Variants in OPCML observed in about 807,000 individuals in gnomAD.
The protein encoded by OPCML is opioid-binding protein/cell adhesion molecule.
Under a neutral mutation model 37.8 loss-of-function variants are expected in OPCML, and 13 were observed. The observed-to-expected ratio is 0.34, with a 90% CI of 0.22 to 0.55. OPCML has a LOEUF of 0.55. OPCML is among the 20% of genes least tolerant of loss of function. OPCML has a pLI of 0.91. For synonymous variants in OPCML, 176 were observed against 168.8 expected, an observed-to-expected ratio of 1.04 and a Z score of -0.33; for missense variants, 341 against 435.6, an observed-to-expected ratio of 0.78 and a Z score of 1.93.
chr11:132,789,771 C>T (rs1451008386), intron 2 of OPCML, among the ~76,000 whole-genome samples: 1 of 152,140 alleles, frequency 6.6e-6, no homozygotes, highest in African/African-American at 2.4e-5. Flanking sequence ...AAGCAAAGCT[C>T]GCTGCCACAG....
At chr11:133,341,187 T>C (rs1943861896) in intron 1 of OPCML, among the ~76,000 whole-genome samples, 1 of 152,168 alleles carries the variant, frequency 6.6e-6, no homozygotes, top group African/African-American at 2.4e-5. Flanking sequence ...GGGTGCTCAA[T>C]AAATAGTCAA....
At chr11:133,257,399 C>T (rs1273662750) in intron 1 of OPCML, among the ~76,000 whole-genome samples, 1 of 152,180 alleles carries the variant, frequency 6.6e-6, no homozygotes, top group African/African-American at 2.4e-5. Context: ...GAAACAAAGT[C>T]ATAGTTTCAT....
chr11:132,859,504 G>A (rs899564128), intron 2 of OPCML: 1 of 152,184 alleles, frequency 6.6e-6, no homozygotes, highest in Non-Finnish European at 1.5e-5. Context: ...CAGTAATGAG[G>A]AAACTCGTGT....
chr11:132,618,614 A>G (rs1939182091), intron 3 of OPCML, among the ~76,000 whole-genome samples: 1 of 152,228 alleles, frequency 6.6e-6, no homozygotes, highest in Non-Finnish European at 1.5e-5. Context: ...CGGATTTACC[A>G]CAAAAACCTA....
chr11:132,874,083 C>A (rs1942916987), intron 2 of OPCML, among the ~76,000 whole-genome samples: 1 of 152,154 alleles, frequency 6.6e-6, no homozygotes, highest in African/African-American at 2.4e-5. Flanking sequence ...AAGGTTCTGA[C>A]CATTCAGGGT....
At chr11:132,496,966 CAAT>C (rs1555140195) in intron 4 of OPCML, among the ~76,000 whole-genome samples, 2 of 152,090 alleles carry the variant, frequency 1.3e-5, no homozygotes, top group African/African-American at 2.4e-5. Context: ...AAAAGCCTAA[CAAT>C]GATGCTGGAG....
intron 1 of OPCML, among the ~76,000 whole-genome samples, chr11:133,238,322 A>G (rs896410354): frequency 2.0e-5 from 3 of 152,224 alleles, no homozygotes; most frequent in Admixed American, 6.5e-5. Context: ...GATGTACTCT[A>G]TGTGTAAAAC....
At chr11:132,981,638 A>T (rs568372973) in intron 1 of OPCML, among the ~76,000 whole-genome samples, 1 of 152,274 alleles carries the variant, frequency 6.6e-6, no homozygotes, top group South Asian at 2.1e-4. Context: ...ACTAGAGGAG[A>T]GATATTACAG....
chr11:132,509,761 C>T (rs1026957121), intron 4 of OPCML, among the ~76,000 whole-genome samples: 5 of 152,188 alleles, frequency 3.3e-5, no homozygotes, highest in African/African-American at 7.2e-5. Context: ...TGCTTGGATG[C>T]CCAGGCAAAA....
intron 4 of OPCML, among the ~76,000 whole-genome samples, chr11:132,485,377 T>A (rs2096196450): frequency 6.6e-6 from 1 of 152,204 alleles, no homozygotes. Context: ...GTTTGTTTGT[T>A]TGTTTTGAGT....
chr11:132,911,288 C>T (rs993355577), intron 2 of OPCML, among the ~76,000 whole-genome samples: 1 of 152,208 alleles, frequency 6.6e-6, no homozygotes, highest in African/African-American at 2.4e-5. Flanking sequence ...AGATATATGT[C>T]CTAGCTTCTT....
chr11:133,111,641 A>G (rs532071229), intron 1 of OPCML, among the ~76,000 whole-genome samples: 8 of 152,346 alleles, frequency 5.3e-5, no homozygotes, highest in African/African-American at 1.9e-4. Context: ...CTTTAAACTC[A>G]TGGAGCACCA....
intron 3 of OPCML, among the ~76,000 whole-genome samples, chr11:132,576,490 A>T (rs2096451149): frequency 6.6e-6 from 1 of 152,054 alleles, no homozygotes; most frequent in Non-Finnish European, 1.5e-5. Flanking sequence ...GGCATTTAAA[A>T]AATATTTGTA....
At chr11:133,394,292 T>G (rs537128447) in intron 1 of OPCML, among the ~76,000 whole-genome samples, 201 of 152,292 alleles carry the variant, frequency 1.3e-3, no homozygotes, top group Non-Finnish European at 2.6e-3. Flanking sequence ...TTTACTGTAG[T>G]AGGGGTATAT....
chr11:132,984,007 G>T (rs1946640288), intron 1 of OPCML, among the ~76,000 whole-genome samples: 1 of 152,210 alleles, frequency 6.6e-6, no homozygotes, highest in Non-Finnish European at 1.5e-5. Context: ...GGGCCACATT[G>T]TGATAGAGGT....
intron 1 of OPCML, among the ~76,000 whole-genome samples, chr11:133,112,080 A>G (rs546218668): frequency 1.2e-4 from 19 of 152,162 alleles, no homozygotes; most frequent in Non-Finnish European, 2.5e-4. Context: ...TGCATGCAAT[A>G]TTCAAATAAT....
At chr11:133,325,960 G>A (rs1008970918) in intron 1 of OPCML, among the ~76,000 whole-genome samples, 4 of 152,094 alleles carry the variant, frequency 2.6e-5, no homozygotes, top group African/African-American at 9.7e-5. Flanking sequence ...ACAATAGAAC[G>A]GAAGGCCTTG....
intron 1 of OPCML, among the ~76,000 whole-genome samples, chr11:133,028,524 CGTGTGTGT>C (rs10541354): frequency 6.3e-4 from 92 of 147,016 alleles, no homozygotes; most frequent in South Asian, 3.1e-3. Context: ...TGATAAGGAG[CGTGTGTGT>C]GTGTGTGTGT....
chr11:133,061,245 T>G (rs1237376127), intron 1 of OPCML, among the ~76,000 whole-genome samples: 2 of 152,222 alleles, frequency 1.3e-5, no homozygotes, highest in African/African-American at 2.4e-5. Flanking sequence ...CTTCTCTGTT[T>G]AAAACTGTCT....
Sources: gnomAD v4.1 joint callset for allele counts (sites outside exome capture counted in the v4.1 genomes callset) on GRCh38, gnomAD v4.1.1 for gene constraint, MANE v1.5 for transcripts, NCBI Gene and HGNC (gene_info 2026-07-23, HGNC 2026-07-21) for gene names.